SKOR2: variants seen among roughly 807,000 people sequenced by gnomAD.
SKOR2 encodes LBX1 corepressor 1-like protein.
Under a neutral mutation model 69.1 loss-of-function variants are expected in SKOR2, and 47 were observed. That is an observed-to-expected ratio of 0.68 (90% CI 0.54 to 0.87). The LOEUF (loss-of-function observed/expected upper bound fraction) is 0.87, where lower values mean the gene tolerates loss of function less well. Ranked by LOEUF, SKOR2 falls within the 40% of genes least tolerant of loss-of-function variation. The pLI, the probability that SKOR2 is intolerant of heterozygous loss-of-function variation, is 0.00. For missense variants in SKOR2, 1,404 were observed against 1,472.2 expected, an observed-to-expected ratio of 0.95 and a Z score of 0.76; for synonymous variants, 717 against 672.6, an observed-to-expected ratio of 1.07 and a Z score of -1.02.
rs146696163 is a variant in SKOR2, at chr18:47,225,633, A to C, written c.2917+4826T>G. On this transcript the variant is annotated intron_variant, in intron 6 of 8. Transcript: ENST00000425639. Reference sequence around the variant, plus strand: ...GTCAACACAGAAAACTCATGGTACTAGAAATGAACACAACAGGACTTCAGA... The same window carrying C: ...GTCAACACAGAAAACTCATGGTACTCGAAATGAACACAACAGGACTTCAGA... 2.0e-5 allele frequency among the ~76,000 whole-genome samples: 3 copies of C among 152,312 alleles called. No individual in the cohort carries two copies. The East Asian group carries it at 5.8e-4, about 29-fold the overall frequency.
In SKOR2 at chr18:47,246,554, C is replaced by T; in HGVS notation, c.2613+17G>A. 1.3e-6 allele frequency: 2 copies of T among 1,507,004 alleles called. No individual in the cohort carries two copies. Among genetic ancestry groups the T allele is most frequent in the East Asian group, 2.7e-5 (1 of 37,716 alleles). 93.4% of individuals were successfully genotyped at this position (1,507,004 alleles called of 1,614,324 possible). On this transcript the variant is annotated intron_variant, in intron 2 of 8. Coordinates refer to ENST00000425639, the MANE Select transcript of SKOR2 (RefSeq NM_001278063.4). The stretch of plus-strand genomic sequence containing the variant: ...ATAATAATAATTAGCTTGAAGGAGC[C>T]TAAAGGGGATATTTACATCTTTGTA...
chr18:47,247,243 G>T lies in SKOR2; in HGVS notation c.1941C>A (p.Pro647=). 6.8e-7 allele frequency: 1 copy of T among 1,470,112 alleles called. No homozygotes were observed. Among genetic ancestry groups the T allele is most frequent in the Non-Finnish European group, 9.0e-7 (1 of 1,115,898 alleles). The allele number at this position is 1,470,112 out of a possible 1,614,324, so 91.1% of individuals were successfully genotyped here. The change falls in exon 2 of 9, where the codon CCC becomes CCA. Residue 647 remains proline, a synonymous_variant. Transcript: ENST00000425639. The surrounding 1 kb of genome is among the most constrained non-coding windows in gnomAD (Gnocchi z 6.6). ...GGTGGGGATGCGTCTGGGCCGAGTG[G>T]GGCGCGCCCGCCGACGCCCCGTGCA... The part of the protein sequence containing the change: ...AKLHGASAGA[P]HSAQTHPHHH...
At chr18:47,232,657 T>G (rs970211034) in intron 4 of SKOR2, among the ~76,000 whole-genome samples, 3 of 152,172 alleles carry the variant, frequency 2.0e-5, no homozygotes, top group African/African-American at 7.2e-5. Context: ...ATGTGTTACT[T>G]GGCGGCAGAG....
Position 47,246,809 on chromosome 18 carries a change from C to T in SKOR2, c.2375G>A (p.Gly792Glu), listed in dbSNP as rs1390198185. 1.4e-6 allele frequency: 2 copies of T among 1,426,820 alleles called. No homozygotes were observed. Among genetic ancestry groups the T allele is most frequent in the Non-Finnish European group, 9.1e-7 (1 of 1,099,556 alleles). 88.4% of individuals were successfully genotyped at this position (1,426,820 alleles called of 1,614,324 possible). A position where few individuals can be genotyped will look rare whatever the true frequency, so the allele number is the denominator to read the frequency against. ...VGGGRFLQGRGPSEKGSSRDR... is the reference protein window; with the variant it reads ...VGGGRFLQGREPSEKGSSRDR... ...CCGGCTGCTCCCCTTCTCCGACGGC[C>T]CTCGGCCCTGGAGGAACCGGCCGCC... The change falls in exon 2 of 9, where the codon GGG (glycine) becomes GAG (glutamate). Residue 792 changes from glycine to glutamate, a missense_variant. Gly to Glu is a moderately conservative substitution (Grantham distance 98). Coordinates refer to ENST00000425639, the MANE Select transcript of SKOR2 (RefSeq NM_001278063.4).
At position 47,249,128 on chromosome 18, in the gene SKOR2, C is replaced by A; in HGVS notation, c.56G>T (p.Ser19Ile). Residue 19 changes from serine (S) to isoleucine (I), a missense_variant, in exon 2 of 9, where the codon AGC (serine) becomes ATC (isoleucine). Ser to Ile is a moderately radical substitution (Grantham distance 142, BLOSUM62 -2). Coordinates refer to ENST00000425639, the MANE Select transcript of SKOR2 (RefSeq NM_001278063.4). The stretch of plus-strand genomic sequence containing the variant: ...GCTCAGCGTGTCGGGCTGGAAGGCG[C>A]TCGACGGCGACGCCAGCAGGATGTC... Reference protein sequence around the residue: ...PNDILLASPSSAFQPDTLSQP... With the variant: ...PNDILLASPSIAFQPDTLSQP... The A allele has an allele frequency of 1.3e-6, 2 of 1,535,918 alleles. No homozygotes were observed. The highest frequency in any genetic ancestry group is 1.7e-6 in the Non-Finnish European group (2 of 1,146,764).
intron 4 of SKOR2, 161 bp from the exon 5 acceptor site, chr18:47,231,161 C>G: frequency 1.3e-6 from 2 of 1,535,940 alleles, no homozygotes. Flanking sequence ...CGCATATAAT[C>G]CTCCTGAAAC....
Position 47,249,178 on chromosome 18 carries a change from A to G in SKOR2, c.6T>C (p.Ala2=). M[A]SSPLPGPNDI... is the part of the protein sequence containing the mutation. ...CGTTGGGCCCTGGCAGCGGACTGGAAGCCATCTCCGCCGCAGAACCCCGGG... is the reference window on the plus strand; with the variant it reads ...CGTTGGGCCCTGGCAGCGGACTGGAGGCCATCTCCGCCGCAGAACCCCGGG... Residue 2 remains alanine (A), a synonymous_variant, in exon 2 of 9, where the codon GCT becomes GCC. Coordinates refer to ENST00000425639, the MANE Select transcript of SKOR2 (RefSeq NM_001278063.4). 6.5e-7 allele frequency: 1 copy of G among 1,534,556 alleles called. No individual in the cohort carries two copies. The highest frequency in any genetic ancestry group is 8.7e-7 in the Non-Finnish European group (1 of 1,146,008).
chr18:47,212,035 C>A (rs2064129448), intron 8 of SKOR2, 51 bp downstream of exon 8: 2 of 1,226,164 alleles, frequency 1.6e-6, no homozygotes, highest in Non-Finnish European at 2.0e-6. Context: ...TATGTTCAAG[C>A]ACACAACAAT....
intron 4 of SKOR2, among the ~76,000 whole-genome samples, chr18:47,234,111 G>A (rs756229453): frequency 1.4e-4 from 21 of 152,184 alleles, no homozygotes; most frequent in South Asian, 8.3e-4. Flanking sequence ...AGAAGCTTCC[G>A]CTGCCTTTTG....
rs546904770 is a variant in SKOR2 at position 47,230,562 on chromosome 18, TA to T, written c.2819-6del. The T allele has an allele frequency of 2.7e-3, 3,717 of 1,400,278 alleles. 82 individuals are homozygous for T. The African/African-American group carries it at 0.048, about 18-fold the overall frequency. 86.7% of individuals were successfully genotyped at this position (1,400,278 alleles called of 1,614,324 possible). On this transcript the variant is annotated splice_region_variant and splice_polypyrimidine_tract_variant and intron_variant, in intron 5 of 8. Coordinates refer to ENST00000425639, the MANE Select transcript of SKOR2 (RefSeq NM_001278063.4). ...ATAAAACCTTCTGAAGTTCTTCTAATAAAAAAAAGAAGAGTCATTTTACTAA... is the reference window on the plus strand; with the variant it reads ...ATAAAACCTTCTGAAGTTCTTCTAATAAAAAAAGAAGAGTCATTTTACTAA...
At chr18:47,224,072 CT>C (rs369049469) in intron 6 of SKOR2, among the ~76,000 whole-genome samples, 1 of 151,694 alleles carries the variant, frequency 6.6e-6, no homozygotes, top group East Asian at 1.9e-4. Context: ...TGCCTGGCTA[CT>C]TTTTTTGTAT....
chr18:47,245,470 G>A, intron 3 of SKOR2, 28 bp downstream of exon 3: 1 of 843,390 alleles, frequency 1.2e-6, no homozygotes, highest in East Asian at 3.9e-5. Flanking sequence ...CAAGAAAAGT[G>A]GCAGCTGATT....
At chr18:47,224,655 C>T (rs900402612) in intron 6 of SKOR2, among the ~76,000 whole-genome samples, 1 of 151,372 alleles carries the variant, frequency 6.6e-6, no homozygotes, top group African/African-American at 2.4e-5. Flanking sequence ...TGCTCTGTCA[C>T]CCAGGCTTGA....
chr18:47,211,405 T>A (rs533078953), intron 8 of SKOR2, among the ~76,000 whole-genome samples: 1 of 152,350 alleles, frequency 6.6e-6, no homozygotes, highest in South Asian at 2.1e-4. Flanking sequence ...ACAATTCTAA[T>A]AATTACATGT....
At chr18:47,220,064 A>G in intron 6 of SKOR2, 54 bp from the exon 7 acceptor site, 1 of 1,445,860 alleles carries the variant, frequency 6.9e-7, no homozygotes, top group South Asian at 1.2e-5. Flanking sequence ...ATCTACTTTT[A>G]GTTTAGCTAG....
At position 47,207,063 on chromosome 18, in the gene SKOR2, A is replaced by G. The variant is rs144405127; in HGVS notation, c.*4-171T>C. ...AGCCAAACCAGAAATACTAAACAAG[A>G]GTGTGCTGGTTTGCTGTGTGCTTTT... is the stretch of plus-strand genomic sequence containing the variant. On this transcript the variant is annotated intron_variant, in intron 8 of 8. Coordinates refer to ENST00000425639, the MANE Select transcript of SKOR2 (RefSeq NM_001278063.4). Among the ~76,000 whole-genome samples the G allele has an allele frequency of 6.8e-3, 1,033 of 152,252 alleles. 2 individuals are homozygous for G. Among genetic ancestry groups the G allele is most frequent in the Non-Finnish European group, 0.011 (761 of 68,010 alleles).
At position 47,246,975 on chromosome 18, in the gene SKOR2, C is replaced by T. The variant is rs2064278305; in HGVS notation, c.2209G>A (p.Asp737Asn). ...PSEDSSEDED[D>N]EEEEQEVDVE... ...TCCACCTCCTGCTCTTCTTCCTCGT[C>T]GTCCTCGTCCTCGGAGCTGTCCTCG... Residue 737 changes from aspartate (D) to asparagine (N), a missense_variant, in exon 2 of 9, where the codon GAC becomes AAC. This residue lies in a region of SKOR2 where 1,266 missense variants were observed against 1,309.9 expected (regional missense o/e 0.97). Coordinates refer to ENST00000425639, the MANE Select transcript of SKOR2 (RefSeq NM_001278063.4). 1 of 1,498,006 alleles carries T rather than the reference C, an allele frequency of 6.7e-7. No homozygotes were observed. The highest frequency in any genetic ancestry group is 8.8e-7 in the Non-Finnish European group (1 of 1,130,010). 92.8% of individuals were successfully genotyped at this position (1,498,006 alleles called of 1,614,324 possible). A position where few individuals can be genotyped will look rare whatever the true frequency, so the allele number is the denominator to read the frequency against.
At chr18:47,229,389 C>T (rs1012771993) in intron 6 of SKOR2, among the ~76,000 whole-genome samples, 1 of 152,116 alleles carries the variant, frequency 6.6e-6, no homozygotes, top group African/African-American at 2.4e-5. Flanking sequence ...CACAGTGGCT[C>T]ATGCCTGTAA....
chr18:47,238,827 A>G (rs746948911), intron 4 of SKOR2, among the ~76,000 whole-genome samples: 4 of 152,202 alleles, frequency 2.6e-5, no homozygotes, highest in Non-Finnish European at 5.9e-5. Context: ...TCCTGCATGC[A>G]AAGCTGCAAA....
Sources: allele counts gnomAD v4.1 joint callset (sites outside exome capture counted in the v4.1 genomes callset), GRCh38; gene constraint gnomAD v4.1.1; regional missense constraint gnomAD v4.1.1; non-coding constraint Gnocchi (gnomAD v3.1); transcripts MANE v1.5; gene names NCBI Gene and HGNC (gene_info 2026-07-23, HGNC 2026-07-21).